PDHX: variants seen among roughly 807,000 people sequenced by gnomAD.
The protein encoded by PDHX is pyruvate dehydrogenase complex component X.
PDHX carries 33 observed loss-of-function variants against 55.3 expected under a neutral mutation model. The ratio of observed to expected loss-of-function variants is 0.60; its 90% CI spans 0.45 to 0.80. PDHX has a LOEUF of 0.80. PDHX is among the 30% of genes least tolerant of loss of function. The pLI is 0.00. For missense variants in PDHX, 622 were observed against 619.9 expected, an observed-to-expected ratio of 1.00 and a Z score of -0.04; for synonymous variants, 226 against 219.4, an observed-to-expected ratio of 1.03 and a Z score of -0.27.
intron 9 of PDHX, 78 bp downstream of exon 9, chr11:34,984,806 G>C: frequency 7.3e-7 from 1 of 1,363,546 alleles, no homozygotes; most frequent in Non-Finnish European, 1.0e-6. Flanking sequence ...AAGTTGTGAC[G>C]TAATCTAGTC....
At chr11:34,931,016 TG>T (rs2133946092) in intron 1 of PDHX, among the ~76,000 whole-genome samples, 1 of 152,292 alleles carries the variant, frequency 6.6e-6, no homozygotes, top group Non-Finnish European at 1.5e-5. Context: ...TTGTTTTATT[TG>T]GCTTTTTCTT....
intron 2 of PDHX, among the ~76,000 whole-genome samples, chr11:34,946,914 G>A (rs1289215969): frequency 2.6e-5 from 4 of 152,176 alleles, no homozygotes; most frequent in Non-Finnish European, 5.9e-5. Context: ...AAGCTAGTAA[G>A]CCTGGAACTT....
At chr11:34,963,830 C>G (rs1179673389) in intron 5 of PDHX, among the ~76,000 whole-genome samples, 1 of 152,164 alleles carries the variant, frequency 6.6e-6, no homozygotes, top group Non-Finnish European at 1.5e-5. Context: ...AGTGTCGAGG[C>G]CACAATTAGA....
chr11:34,978,905 A>G (rs1416951967), intron 8 of PDHX, among the ~76,000 whole-genome samples: 1 of 152,164 alleles, frequency 6.6e-6, no homozygotes, highest in Non-Finnish European at 1.5e-5. Flanking sequence ...AACTAATGTG[A>G]TCTGACTTAT....
chr11:34,944,993 T>G (rs1351184732), intron 2 of PDHX, among the ~76,000 whole-genome samples: 1 of 152,074 alleles, frequency 6.6e-6, no homozygotes, highest in Non-Finnish European at 1.5e-5. Context: ...CTCAGTTAGA[T>G]AATCAACTTC....
At position 34,982,587 on chromosome 11, in the gene PDHX, C is replaced by T. The variant is rs61882168; in HGVS notation, c.1024-1983C>T. Among the ~76,000 whole-genome samples the T allele has an allele frequency of 1.3e-4, 20 of 151,870 alleles. No individual in the cohort carries two copies. The East Asian group carries it at 2.5e-3, about 19-fold the overall frequency. On this transcript the variant is annotated intron_variant, in intron 8 of 10. Transcript: ENST00000227868. ...TAGACGCAATAAAAAATGATAAAGGCGATATCACCACCGATCCCACAGAAA... is the reference window on the plus strand; with the variant it reads ...TAGACGCAATAAAAAATGATAAAGGTGATATCACCACCGATCCCACAGAAA...
chr11:34,994,968 T>TC lies in PDHX; in HGVS notation c.1304dup (p.Gln436SerfsTer18). The TC allele has an allele frequency of 6.2e-7, 1 of 1,613,988 alleles. No individual in the cohort carries two copies. Among genetic ancestry groups the TC allele is most frequent in the East Asian group, 2.2e-5 (1 of 44,886 alleles). ...ACGAATTTACTGCAGTGATTAACCC[T>TC]CCTCAGGCCTGCATTTTGGCGGTTG... On this transcript the variant is annotated frameshift_variant, in exon 11 of 11. Transcript: ENST00000227868. LOFTEE classifies it high-confidence loss of function.
intron 3 of PDHX, among the ~76,000 whole-genome samples, chr11:34,956,496 A>G (rs945092317): frequency 6.6e-6 from 1 of 152,136 alleles, no homozygotes; most frequent in African/African-American, 2.4e-5. Flanking sequence ...ATAATAGAAG[A>G]TTTTAAGGGA....
In PDHX at chr11:34,995,768, TTCTA is replaced by T. The variant is rs1168747642; in HGVS notation, c.*600_*603del. On this transcript the variant is annotated 3_prime_UTR_variant, in exon 11 of 11. Coordinates refer to ENST00000227868, the MANE Select transcript of PDHX (RefSeq NM_003477.3). Reference sequence around the variant, plus strand: ...CATAAAGCCATATGTTTAGGGTGGTTTCTATCTGTCTTGTTTTTCACTTATATAA... The same window carrying T: ...CATAAAGCCATATGTTTAGGGTGGTTTCTGTCTTGTTTTTCACTTATATAA... 3.3e-5 allele frequency: 5 copies of T among 152,424 alleles called. 1 individual carries two copies. The highest frequency in any genetic ancestry group is 7.4e-5 in the African/African-American group (3 of 40,746). The allele number at this position is 152,424 out of a possible 1,614,324, so 9.4% of individuals were successfully genotyped here.
In PDHX at chr11:34,947,509, A is replaced by T. The variant is rs778685760; in HGVS notation, c.245A>T (p.Glu82Val). 8.1e-6 allele frequency: 13 copies of T among 1,609,558 alleles called. No individual in the cohort carries two copies. The East Asian group carries it at 2.7e-4, about 33-fold the overall frequency. ...CAAACCCAGTCTTGTTTTGTAGGTG[A>T]AGCGGTGAGTGCTGGAGATGCATTA... ...NIVKWLKKEG[E>V]AVSAGDALCE... Residue 82 changes from glutamate to valine, a missense_variant, in exon 3 of 11, where the codon GAA becomes GTA. Glu to Val is a moderately radical substitution (Grantham distance 121). Coordinates refer to ENST00000227868, the MANE Select transcript of PDHX (RefSeq NM_003477.3).
chr11:34,984,440 A>C, intron 8 of PDHX, 130 bp from the exon 9 acceptor site: 1 of 755,504 alleles, frequency 1.3e-6, no homozygotes, highest in Non-Finnish European at 2.2e-6. Context: ...ATTTTTTCAA[A>C]CGAAATTTTT....
intron 2 of PDHX, among the ~76,000 whole-genome samples, chr11:34,939,468 GGTGTGTGTGTGTGTGTGTGTGTGT>G (rs68165754): frequency 6.7e-6 from 1 of 149,084 alleles, no homozygotes; most frequent in African/African-American, 2.5e-5. Flanking sequence ...TTTTACTAAT[GGTGTGTGTGTGTGTGTGTGTGTGT>G]GTGTGTGTGT....
chr11:34,956,181 C>T (rs992201033), intron 3 of PDHX, among the ~76,000 whole-genome samples: 1 of 147,876 alleles, frequency 6.8e-6, no homozygotes, highest in African/African-American at 2.5e-5. Context: ...TTAAACATTC[C>T]TATTCAGCTT....
At chr11:34,918,247 G>A (rs1853785690) in intron 1 of PDHX, among the ~76,000 whole-genome samples, 1 of 151,164 alleles carries the variant, frequency 6.6e-6, no homozygotes, top group South Asian at 2.1e-4. Flanking sequence ...GACCAGCCCG[G>A]GCAACAAAGT....
intron 2 of PDHX, among the ~76,000 whole-genome samples, chr11:34,937,089 G>A (rs1854340608): frequency 6.6e-6 from 1 of 152,158 alleles, no homozygotes; most frequent in African/African-American, 2.4e-5. Flanking sequence ...TGGGCAGGAA[G>A]TGGTTTCTAC....
At chr11:34,967,360 G>A (rs1321735193) in intron 6 of PDHX, among the ~76,000 whole-genome samples, 2 of 152,058 alleles carry the variant, frequency 1.3e-5, no homozygotes. Context: ...ATAAACATTA[G>A]AACTATAATT....
At chr11:34,956,427 A>G (rs1246005888) in intron 3 of PDHX, among the ~76,000 whole-genome samples, 7 of 152,272 alleles carry the variant, frequency 4.6e-5, no homozygotes, top group East Asian at 1.9e-4. Context: ...CCTGCAGCCT[A>G]TCATTCTATT....
chr11:34,933,737 A>G (rs139477222), intron 2 of PDHX, among the ~76,000 whole-genome samples: 192 of 152,258 alleles, frequency 1.3e-3, no homozygotes, highest in African/African-American at 4.3e-3. Context: ...AGATGTGCAG[A>G]TGAGCTTTTA....
intron 6 of PDHX, among the ~76,000 whole-genome samples, chr11:34,968,972 A>G (rs2133982820): frequency 6.6e-6 from 1 of 152,284 alleles, no homozygotes; most frequent in South Asian, 2.1e-4. Flanking sequence ...CGATGGTGTA[A>G]AAGTGATACA....
Sources: allele counts gnomAD v4.1 joint callset (sites outside exome capture counted in the v4.1 genomes callset), GRCh38; gene constraint gnomAD v4.1.1; transcripts MANE v1.5; gene names NCBI Gene and HGNC (gene_info 2026-07-23, HGNC 2026-07-21).